Variants in DENND1A observed in about 807,000 individuals in gnomAD.
DENND1A encodes the protein DENN domain-containing protein 1A.
In DENND1A, 51 loss-of-function variants were observed where a neutral mutation model predicts 113.7. The ratio of observed to expected loss-of-function variants is 0.45; its 90% confidence interval spans 0.36 to 0.57. The LOEUF (loss-of-function observed/expected upper bound fraction) is 0.57. Ranked by LOEUF, DENND1A falls within the 20% of genes least tolerant of loss-of-function variation. The probability of loss-of-function intolerance (pLI) is 0.00; values close to 1 mark genes in which losing one functional copy is unlikely to be tolerated. For missense variants in DENND1A, 1,258 were observed against 1,395.9 expected (o/e 0.90, Z 1.57); for synonymous variants, 565 against 570.8 (o/e 0.99, Z 0.14).
chr9:123,662,133 A>G (rs905788695), intron 8 of DENND1A, among the ~76,000 whole-genome samples: 15 of 152,378 alleles, frequency 9.8e-5, no homozygotes, highest in Admixed American at 8.5e-4. Context: ...GGATGGTTAC[A>G]ATAAGTAAAT....
At chr9:123,817,397 C>A (rs1247606306) in intron 2 of DENND1A, among the ~76,000 whole-genome samples, 1 of 152,142 alleles carries the variant, frequency 6.6e-6, no homozygotes, top group Admixed American at 6.5e-5. Flanking sequence ...ACACTTTTAT[C>A]TGAACACTTA....
At chr9:123,525,085 A>G (rs2054710455) in intron 13 of DENND1A, among the ~76,000 whole-genome samples, 1 of 152,156 alleles carries the variant, frequency 6.6e-6, no homozygotes, top group Non-Finnish European at 1.5e-5. Context: ...ACTCTACTTG[A>G]TAGATAAGAA....
At chr9:123,536,425 A>G (rs1381746582) in intron 13 of DENND1A, among the ~76,000 whole-genome samples, 1 of 151,002 alleles carries the variant, frequency 6.6e-6, no homozygotes, top group East Asian at 1.9e-4. Context: ...AGCTAAGATT[A>G]TATCACTCCA....
At chr9:123,503,164 G>A (rs758063389) in intron 13 of DENND1A, among the ~76,000 whole-genome samples, 3 of 152,174 alleles carry the variant, frequency 2.0e-5, no homozygotes, top group Non-Finnish European at 4.4e-5. Context: ...CTACAGAAGC[G>A]CAGTGTTAAG....
chr9:123,679,402 A>T (rs1252409923), intron 5 of DENND1A, among the ~76,000 whole-genome samples: 2 of 152,178 alleles, frequency 1.3e-5, no homozygotes, highest in Non-Finnish European at 2.9e-5. Context: ...ACTCAGCCTC[A>T]GCCTCAGCCT....
intron 19 of DENND1A, among the ~76,000 whole-genome samples, chr9:123,430,542 A>C (rs2046058404): frequency 6.6e-6 from 1 of 152,222 alleles, no homozygotes; most frequent in African/African-American, 2.4e-5. Context: ...TGGAGTTGGA[A>C]ACCATTATCC....
intron 21 of DENND1A, chr9:123,400,461 AG>A (rs2043373009): frequency 6.6e-6 from 1 of 152,304 alleles, no homozygotes; most frequent in Non-Finnish European, 1.5e-5. Flanking sequence ...AATGAACTTC[AG>A]GGGTGGACTG....
intron 2 of DENND1A, among the ~76,000 whole-genome samples, chr9:123,818,446 A>C (rs941756249): frequency 1.3e-5 from 2 of 151,800 alleles, no homozygotes; most frequent in African/African-American, 4.8e-5. Flanking sequence ...TATCCGAAAC[A>C]CTTGAGATCA....
intron 6 of DENND1A, among the ~76,000 whole-genome samples, chr9:123,671,646 C>A (rs958341978): frequency 4.6e-5 from 7 of 152,166 alleles, no homozygotes; most frequent in Non-Finnish European, 8.8e-5. Context: ...CATAAGCTCT[C>A]AGCAAATCTA....
chr9:123,425,639 C>A (rs534806994), intron 19 of DENND1A, among the ~76,000 whole-genome samples: 2 of 152,076 alleles, frequency 1.3e-5, no homozygotes, highest in East Asian at 3.9e-4. Flanking sequence ...ATGGGCAGCT[C>A]GTCTGTGCCA....
chr9:123,411,787 G>A lies in DENND1A; in HGVS notation c.1531C>T (p.Arg511Cys), dbSNP rs949810693. 4 of 986,000 alleles carry A rather than the reference G, an allele frequency of 4.1e-6. No individual in the cohort carries two copies. The highest frequency in any genetic ancestry group is 9.4e-5 in the South Asian group (2 of 21,284). The allele number at this position is 986,000 out of a possible 1,614,324, so 61.1% of individuals were successfully genotyped here. A position where few individuals can be genotyped will look rare whatever the true frequency, so the allele number is the denominator to read the frequency against. The change falls in exon 20 of 24, where the codon CGC becomes TGC. Residue 511 changes from arginine (R) to cysteine (C), a missense_variant. Around this residue, in one of 2 missense-constraint regions of DENND1A, gnomAD observed 1,159 missense variants for 1,231.7 expected, o/e 0.94. Coordinates refer to ENST00000394215, the MANE Select transcript of DENND1A (RefSeq NM_001352964.2). ...RPTRPPPKIQ[R>C]SRPVRPPRPH... is the part of the protein sequence containing the mutation. ...CACCAGCTACTCACGGGCCTCGAGC[G>A]CTGTATCTTGGGAGGCGGTCGGGTG...
intron 2 of DENND1A, among the ~76,000 whole-genome samples, chr9:123,828,912 A>C (rs1839786046): frequency 6.6e-6 from 1 of 152,194 alleles, no homozygotes; most frequent in Non-Finnish European, 1.5e-5. Context: ...ACCTACAGCA[A>C]AGTGAAGCTT....
chr9:123,606,458 T>G lies in DENND1A; in HGVS notation c.765+2978A>C, dbSNP rs565614416. On this transcript the variant is annotated intron_variant, in intron 11 of 23. Transcript: ENST00000394215. Reference sequence around the variant, plus strand: ...CTTCAAAGGCTGAGCAGAAGAGACCTGCACCCATTCATGTAAGTGCAAAAC... The same window carrying G: ...CTTCAAAGGCTGAGCAGAAGAGACCGGCACCCATTCATGTAAGTGCAAAAC... Among the ~76,000 whole-genome samples the G allele has an allele frequency of 5.3e-5, 8 of 152,366 alleles. No homozygotes were observed. In the South Asian group the frequency reaches 1.7e-3, roughly 32 times the overall value.
chr9:123,652,719 G>A (rs148517015), intron 8 of DENND1A, among the ~76,000 whole-genome samples: 1 of 152,090 alleles, frequency 6.6e-6, no homozygotes, highest in African/African-American at 2.4e-5. Context: ...GGCTCAGCTG[G>A]AATTAAGGCA....
At chr9:123,583,100 C>T in intron 12 of DENND1A, 69 bp downstream of exon 12, 1 of 1,211,446 alleles carries the variant, frequency 8.3e-7, no homozygotes, top group Non-Finnish European at 1.2e-6. Context: ...CTTCCCCATT[C>T]CCCAAAGTCA....
chr9:123,419,581 C>T (rs964918157), intron 19 of DENND1A, among the ~76,000 whole-genome samples: 1 of 152,202 alleles, frequency 6.6e-6, no homozygotes, highest in South Asian at 2.1e-4. Flanking sequence ...TGAAACAGAC[C>T]CGGTTGGGAG....
At chr9:123,790,066 A>C (rs1832780766) in intron 3 of DENND1A, among the ~76,000 whole-genome samples, 1 of 152,054 alleles carries the variant, frequency 6.6e-6, no homozygotes, top group Non-Finnish European at 1.5e-5. Context: ...ATATTCCTTA[A>C]GGATTACATC....
intron 13 of DENND1A, among the ~76,000 whole-genome samples, chr9:123,499,200 C>CT (rs1281382516): frequency 6.7e-6 from 1 of 150,046 alleles, no homozygotes; most frequent in African/African-American, 2.5e-5. Context: ...CGCCTGGCTA[C>CT]TTTTTGTATT....
chr9:123,656,686 C>T (rs1230774956), intron 8 of DENND1A, among the ~76,000 whole-genome samples: 2 of 152,200 alleles, frequency 1.3e-5, no homozygotes, highest in Non-Finnish European at 2.9e-5. Context: ...TTCTGTCAAA[C>T]ATGGTGTCCC....
Sources: allele counts gnomAD v4.1 joint callset (sites outside exome capture counted in the v4.1 genomes callset), GRCh38; gene constraint gnomAD v4.1.1; regional missense constraint gnomAD v4.1.1; transcripts MANE v1.5; gene names NCBI Gene and HGNC (gene_info 2026-07-23, HGNC 2026-07-21).